Variants in AFF3 observed in about 807,000 individuals in gnomAD.
AFF3 encodes AF4/FMR2 family member 3.
In AFF3, 32 loss-of-function variants were observed where a neutral mutation model predicts 129.7. That is an observed-to-expected ratio of 0.25 (90% CI 0.19 to 0.33). The LOEUF is 0.33. Among genes scored for constraint, AFF3 ranks in the 10% least tolerant of loss-of-function variants. The probability of loss-of-function intolerance (pLI) is 1.00; values close to 1 mark genes in which losing one functional copy is unlikely to be tolerated. For missense variants in AFF3, 1,373 were observed against 1,592.0 expected (o/e 0.86, Z 2.34); for synonymous variants, 644 against 635.4 (o/e 1.01, Z -0.20).
intron 7 of AFF3, among the ~76,000 whole-genome samples, chr2:99,933,654 G>A (rs1468740607): frequency 6.6e-6 from 1 of 152,132 alleles, no homozygotes; most frequent in African/African-American, 2.4e-5. Flanking sequence ...CTTCATCCAT[G>A]TCCCTGCAAA....
intron 4 of AFF3, among the ~76,000 whole-genome samples, chr2:100,095,963 T>C (rs1168339155): frequency 2.0e-5 from 3 of 152,076 alleles, no homozygotes; most frequent in African/African-American, 7.2e-5. Flanking sequence ...CTACTATGGG[T>C]TCCACGTAGA....
At chr2:99,856,947 C>T (rs1690575366) in intron 7 of AFF3, among the ~76,000 whole-genome samples, 1 of 152,072 alleles carries the variant, frequency 6.6e-6, no homozygotes, top group Non-Finnish European at 1.5e-5. Context: ...TTCTCCCTTC[C>T]TCTGGCATTG....
At chr2:99,871,405 G>A (rs974117434) in intron 7 of AFF3, among the ~76,000 whole-genome samples, 1 of 152,018 alleles carries the variant, frequency 6.6e-6, no homozygotes, top group African/African-American at 2.4e-5. Flanking sequence ...TTAAATCACG[G>A]AACTATGCTT....
intron 7 of AFF3, among the ~76,000 whole-genome samples, chr2:99,872,756 T>G (rs1691978482): frequency 6.6e-6 from 1 of 152,166 alleles, no homozygotes; most frequent in African/African-American, 2.4e-5. Flanking sequence ...TGTACTGATT[T>G]TGCAATATAA....
intron 7 of AFF3, among the ~76,000 whole-genome samples, chr2:99,908,546 A>G (rs1212304551): frequency 6.6e-6 from 1 of 152,264 alleles, no homozygotes; most frequent in Non-Finnish European, 1.5e-5. Flanking sequence ...GGCAACCTAC[A>G]GAATGGGAGA....
At chr2:100,126,741 TA>T (rs1239768682) in intron 2 of AFF3, among the ~76,000 whole-genome samples, 55 of 152,226 alleles carry the variant, frequency 3.6e-4, no homozygotes, top group African/African-American at 1.1e-3. Context: ...AAGTGTGTGA[TA>T]TTTTTTAATA....
chr2:100,010,335 A>G (rs920459306), intron 4 of AFF3, among the ~76,000 whole-genome samples: 1 of 152,232 alleles, frequency 6.6e-6, no homozygotes, highest in African/African-American at 2.4e-5. Flanking sequence ...AGGGGGACAC[A>G]CAAATTATTG....
At chr2:100,039,795 G>A (rs995577711) in intron 4 of AFF3, among the ~76,000 whole-genome samples, 1 of 152,012 alleles carries the variant, frequency 6.6e-6, no homozygotes, top group African/African-American at 2.4e-5. Flanking sequence ...CCCTCCTCTT[G>A]GAAACAGTCC....
intron 13 of AFF3, chr2:99,631,077 G>A: frequency 2.5e-6 from 1 of 394,896 alleles, no homozygotes; most frequent in Non-Finnish European, 5.3e-6. Context: ...ACACGGAGTG[G>A]GGCTCAGGCA....
chr2:99,999,122 A>C (rs1421856890), intron 7 of AFF3, among the ~76,000 whole-genome samples: 1 of 152,194 alleles, frequency 6.6e-6, no homozygotes, highest in Non-Finnish European at 1.5e-5. Flanking sequence ...AAGGAAAAAG[A>C]GGCAGAGAAC....
At position 99,986,343 on chromosome 2, in the gene AFF3, C is replaced by T. The variant is rs572682274; in HGVS notation, c.873+20289G>A. On this transcript the variant is annotated intron_variant, in intron 7 of 24. Coordinates refer to ENST00000672756, the MANE Select transcript of AFF3 (RefSeq NM_001386135.1). ...CACAACCTCTTCAAGCGGCAAAATCCATCCTGCGTTTACACACCTTTATGA... is the reference window on the plus strand; with the variant it reads ...CACAACCTCTTCAAGCGGCAAAATCTATCCTGCGTTTACACACCTTTATGA... 1.9e-3 allele frequency among the ~76,000 whole-genome samples: 288 copies of T among 151,822 alleles called. 1 individual carries two copies. The highest frequency in any genetic ancestry group is 3.3e-3 in the South Asian group (16 of 4,810).
At chr2:99,696,820 T>G (rs1040712749) in intron 11 of AFF3, among the ~76,000 whole-genome samples, 1 of 152,092 alleles carries the variant, frequency 6.6e-6, no homozygotes, top group South Asian at 2.1e-4. Context: ...ATTTTAAAAT[T>G]TTTTTTGTAG....
chr2:100,027,576 T>C (rs1441964192), intron 4 of AFF3, among the ~76,000 whole-genome samples: 1 of 152,204 alleles, frequency 6.6e-6, no homozygotes, highest in African/African-American at 2.4e-5. Context: ...CTCTTCCTTA[T>C]TCATCCCCCT....
chr2:99,737,551 C>G (rs1680356661), intron 10 of AFF3, among the ~76,000 whole-genome samples: 1 of 151,858 alleles, frequency 6.6e-6, no homozygotes, highest in Admixed American at 6.6e-5. Context: ...GTTGTGAAGT[C>G]AGGTGTAAGT....
intron 7 of AFF3, among the ~76,000 whole-genome samples, chr2:99,892,784 C>T (rs1693670450): frequency 6.6e-6 from 1 of 152,200 alleles, no homozygotes; most frequent in African/African-American, 2.4e-5. Context: ...CACTGCAGGC[C>T]CTGACTGCTC....
chr2:99,754,762 G>A (rs1383265147), intron 8 of AFF3, among the ~76,000 whole-genome samples: 2 of 152,170 alleles, frequency 1.3e-5, no homozygotes, highest in Non-Finnish European at 2.9e-5. Context: ...TCTTAAGGGT[G>A]GAAACTGTCC....
intron 15 of AFF3, among the ~76,000 whole-genome samples, chr2:99,591,287 A>T (rs1458791674): frequency 6.6e-6 from 1 of 152,048 alleles, no homozygotes; most frequent in Non-Finnish European, 1.5e-5. Context: ...CCCAGGTTCA[A>T]GTGATTCTCC....
At chr2:100,098,846 G>A (rs2666341) in intron 4 of AFF3, among the ~76,000 whole-genome samples, 1 of 109,242 alleles carries the variant, frequency 9.2e-6, no homozygotes, top group Non-Finnish European at 2.0e-5. Context: ...CACCCCACAC[G>A]AGGGCTGAGC....
rs552500416 is a variant in AFF3, at chr2:100,017,055, T to A, written c.54-8123A>T. Among the ~76,000 whole-genome samples the A allele has an allele frequency of 7.2e-5, 11 of 152,038 alleles. No individual in the cohort carries two copies. In the East Asian group the frequency reaches 2.1e-3, roughly 29 times the overall value. On this transcript the variant is annotated intron_variant, in intron 4 of 24. Coordinates refer to ENST00000672756, the MANE Select transcript of AFF3 (RefSeq NM_001386135.1). Reference sequence around the variant, plus strand: ...GTGGTGGTGATGATGACGATGCTGGTGGTGGTGGTAATGGTGTTGGTGGTG... The same window carrying A: ...GTGGTGGTGATGATGACGATGCTGGAGGTGGTGGTAATGGTGTTGGTGGTG...
Sources: gnomAD v4.1 joint callset for allele counts (sites outside exome capture counted in the v4.1 genomes callset) on GRCh38, gnomAD v4.1.1 for gene constraint, MANE v1.5 for transcripts, NCBI Gene and HGNC (gene_info 2026-07-23, HGNC 2026-07-21) for gene names.